The following UNC13C variants were observed in gnomAD, a reference collection of about 807,000 sequenced individuals.
The protein encoded by UNC13C is unc-13 homolog C.
In UNC13C, 174 loss-of-function variants were observed where a neutral mutation model predicts 245.4. The ratio of observed to expected loss-of-function variants is 0.71; its 90% CI spans 0.63 to 0.80. The LOEUF (loss-of-function observed/expected upper bound fraction) is 0.80. UNC13C is among the 30% of genes least tolerant of loss of function. The probability of loss-of-function intolerance (pLI) is 0.00; values close to 1 mark genes in which losing one functional copy is unlikely to be tolerated. For missense variants in UNC13C, 2,829 were observed against 2,602.9 expected, an observed-to-expected ratio of 1.09 and a Z score of -1.89; for synonymous variants, 992 against 895.1, an observed-to-expected ratio of 1.11 and a Z score of -1.93.
intron 2 of UNC13C, among the ~76,000 whole-genome samples, chr15:54,141,199 A>G (rs985444691): frequency 6.6e-6 from 1 of 152,170 alleles, no homozygotes; most frequent in Non-Finnish European, 1.5e-5. Flanking sequence ...TGGGTTGACT[A>G]TATAGTTACT....
the UNC13C span, among the ~76,000 whole-genome samples, chr15:53,918,425 G>C: frequency 6.6e-6 from 1 of 152,018 alleles, no homozygotes. Flanking sequence ...TCTTTGGTTG[G>C]GACAAAGGTG....
chr15:53,903,986 TAGA>T, the UNC13C span, among the ~76,000 whole-genome samples: 2 of 152,196 alleles, frequency 1.3e-5, no homozygotes, highest in South Asian at 2.1e-4. Context: ...TGCAGGGACA[TAGA>T]AGGTCAAAAA....
intron 17 of UNC13C, among the ~76,000 whole-genome samples, chr15:54,384,310 C>G (rs1051488180): frequency 6.6e-6 from 1 of 152,006 alleles, no homozygotes; most frequent in African/African-American, 2.4e-5. Context: ...TGAAAGTAAA[C>G]ACATAGACCA....
intron 1 of UNC13C, among the ~76,000 whole-genome samples, chr15:53,995,657 A>G (rs1894596652): frequency 1.3e-5 from 2 of 152,160 alleles, no homozygotes; most frequent in African/African-American, 4.8e-5. Flanking sequence ...CCACCCAGAT[A>G]GAAGTAGCTG....
At chr15:54,454,147 A>G (rs891171786) in intron 19 of UNC13C, among the ~76,000 whole-genome samples, 14 of 149,760 alleles carry the variant, frequency 9.3e-5, no homozygotes, top group African/African-American at 1.5e-4. Flanking sequence ...ATAAAATACA[A>G]TTTACCATTT....
intron 2 of UNC13C, among the ~76,000 whole-genome samples, chr15:54,090,819 G>A (rs1445365668): frequency 1.3e-5 from 2 of 152,240 alleles, no homozygotes; most frequent in South Asian, 2.1e-4. Context: ...TGAGACTTTG[G>A]CAGGTGCATC....
chr15:53,845,888 C>T, the UNC13C span, among the ~76,000 whole-genome samples: 1 of 152,024 alleles, frequency 6.6e-6, no homozygotes, highest in Non-Finnish European at 1.5e-5. Context: ...AACAGTTCCC[C>T]GCTTAGGATG....
intron 18 of UNC13C, among the ~76,000 whole-genome samples, chr15:54,402,040 T>C (rs1384463638): frequency 6.6e-6 from 1 of 151,766 alleles, no homozygotes; most frequent in African/African-American, 2.4e-5. Context: ...TCAATATAGT[T>C]GCAGTTTGTT....
chr15:54,380,964 G>C (rs1378638595), intron 17 of UNC13C, among the ~76,000 whole-genome samples: 1 of 152,014 alleles, frequency 6.6e-6, no homozygotes, highest in Non-Finnish European at 1.5e-5. Flanking sequence ...TTTTTGTTTA[G>C]TGTAAACCCA....
chr15:54,609,545 T>C (rs989844626), intron 30 of UNC13C: 2 of 152,212 alleles, frequency 1.3e-5, no homozygotes, highest in African/African-American at 4.8e-5. Flanking sequence ...TTTTTTTATA[T>C]GTTTAAACAT....
chr15:53,876,742 T>C, the UNC13C span, among the ~76,000 whole-genome samples: 1 of 152,196 alleles, frequency 6.6e-6, no homozygotes. Context: ...ATCTCCATCT[T>C]ATTGTAGAAG....
chr15:54,147,983 A>T (rs1418897401), intron 4 of UNC13C, among the ~76,000 whole-genome samples: 6 of 152,162 alleles, frequency 3.9e-5, no homozygotes, highest in African/African-American at 1.2e-4. Flanking sequence ...TCATAGCACT[A>T]AGTTCCTTGA....
intron 2 of UNC13C, among the ~76,000 whole-genome samples, chr15:54,018,756 CATATTT>C (rs905756002): frequency 1.3e-5 from 2 of 152,192 alleles, no homozygotes; most frequent in African/African-American, 4.8e-5. Context: ...CACTGACTCT[CATATTT>C]ATGTGCATTT....
At chr15:54,565,639 C>A (rs1410115528) in intron 29 of UNC13C, among the ~76,000 whole-genome samples, 1 of 151,842 alleles carries the variant, frequency 6.6e-6, no homozygotes, top group Non-Finnish European at 1.5e-5. Flanking sequence ...TTCCAGAAAC[C>A]AAGCATATAC....
intron 2 of UNC13C, among the ~76,000 whole-genome samples, chr15:54,036,551 T>C (rs1896585120): frequency 6.6e-6 from 1 of 152,200 alleles, no homozygotes; most frequent in Admixed American, 6.5e-5. Context: ...GTAATATAAA[T>C]TCACTCAGCT....
the UNC13C span, among the ~76,000 whole-genome samples, chr15:53,951,067 G>T: frequency 9.2e-5 from 14 of 152,150 alleles, no homozygotes; most frequent in Non-Finnish European, 1.9e-4. Context: ...TGTAAAATAT[G>T]AGCAGTAAAT....
At chr15:54,548,208 CTTTTTTTTTTTT>C (rs60975842) in intron 27 of UNC13C, among the ~76,000 whole-genome samples, 54 of 61,938 alleles carry the variant, frequency 8.7e-4, no homozygotes, top group Non-Finnish European at 1.7e-3. Flanking sequence ...GTTTCTTTTG[CTTTTTTTTTTTT>C]TTTTTTTTTT....
At chr15:53,869,383 G>A in the UNC13C span, among the ~76,000 whole-genome samples, 1 of 151,924 alleles carries the variant, frequency 6.6e-6, no homozygotes, top group East Asian at 2.0e-4. Flanking sequence ...TGTTTCATGA[G>A]TAGAAGAAAA....
intron 2 of UNC13C, among the ~76,000 whole-genome samples, chr15:54,127,987 T>C (rs1237686151): frequency 6.6e-6 from 1 of 151,760 alleles, no homozygotes; most frequent in Non-Finnish European, 1.5e-5. Flanking sequence ...ATCTCTCTCC[T>C]CTGAAGATAC....
Sources: allele counts gnomAD v4.1 joint callset (sites outside exome capture counted in the v4.1 genomes callset), GRCh38; gene constraint gnomAD v4.1.1; transcripts MANE v1.5; gene names NCBI Gene and HGNC (gene_info 2026-07-23, HGNC 2026-07-21).